KCNU1: variants seen among roughly 807,000 people sequenced by gnomAD.
KCNU1 encodes potassium calcium-activated channel subfamily U member 1, also known as potassium channel subfamily U member 1.
In KCNU1, 93 loss-of-function variants were observed where a neutral mutation model predicts 126.8. The observed-to-expected ratio is 0.73, with a 90% confidence interval of 0.62 to 0.87. The LOEUF (loss-of-function observed/expected upper bound fraction) is 0.87, where lower values mean the gene tolerates loss of function less well. Among genes scored for constraint, KCNU1 ranks in the 40% least tolerant of loss-of-function variants. The pLI is 0.00. For synonymous variants in KCNU1, 523 were observed against 494.2 expected (o/e 1.06, Z -0.77); for missense variants, 1,330 against 1,367.1 (o/e 0.97, Z 0.43).
At chr8:36,900,828 A>G (rs1807388063) in intron 19 of KCNU1, among the ~76,000 whole-genome samples, 1 of 152,122 alleles carries the variant, frequency 6.6e-6, no homozygotes, top group African/African-American at 2.4e-5. Context: ...GATTGAACCA[A>G]GAAAGCCACT....
In KCNU1 at chr8:36,893,341, C is replaced by T. The variant is rs145375337; in HGVS notation, c.2010-12367C>T. 5.6e-4 allele frequency among the ~76,000 whole-genome samples: 81 copies of T among 145,710 alleles called. No homozygotes were observed. The East Asian group carries it at 0.012, about 21-fold the overall frequency. ...TTTTTATGGGTCTTTTTTTTTTTTG[C>T]GACATTGTTAACTATAACTCAGATA... is the stretch of plus-strand genomic sequence containing the variant. On this transcript the variant is annotated intron_variant, in intron 19 of 26. Transcript: ENST00000399881.
In KCNU1 at chr8:36,815,659, A is replaced by G; in HGVS notation, c.967A>G (p.Ser323Gly). The G allele has an allele frequency of 1.3e-6, 2 of 1,591,972 alleles. No homozygotes were observed. The highest frequency in any genetic ancestry group is 1.7e-6 in the Non-Finnish European group (2 of 1,167,728). The part of the protein sequence containing the change: ...ELFANKRKYT[S>G]SYEALKGKKF... ...GTTTGCTAACAAGAGGAAATACACC[A>G]GTTCCTATGAAGCACTCAAAGGAAA... Residue 323 changes from serine to glycine, a missense_variant, in exon 9 of 27, where the codon AGT (serine) becomes GGT (glycine). By Grantham distance (56) the Ser-to-Gly change is moderately conservative (BLOSUM62 0). This residue lies in a region of KCNU1 where 1,054 missense variants were observed against 1,053.9 expected (regional missense o/e 1.00). Coordinates refer to ENST00000399881, the MANE Select transcript of KCNU1 (RefSeq NM_001031836.3).
At chr8:36,873,996 G>A (rs192737249) in intron 19 of KCNU1, among the ~76,000 whole-genome samples, 2 of 152,290 alleles carry the variant, frequency 1.3e-5, no homozygotes, top group African/African-American at 2.4e-5. Context: ...TTATGCCAGA[G>A]GGAGGTATTT....
intron 19 of KCNU1, among the ~76,000 whole-genome samples, chr8:36,872,199 T>C (rs1806126589): frequency 6.6e-6 from 1 of 152,158 alleles, no homozygotes; most frequent in Non-Finnish European, 1.5e-5. Flanking sequence ...AAGAATAAAA[T>C]ATTAACCCTT....
At chr8:36,810,596 CA>C (rs1427700988) in intron 7 of KCNU1, among the ~76,000 whole-genome samples, 1 of 152,088 alleles carries the variant, frequency 6.6e-6, no homozygotes, top group Non-Finnish European at 1.5e-5. Flanking sequence ...AAAGACAAGC[CA>C]AAATAAAAGC....
chr8:36,785,856 A>T (rs1802694065), intron 1 of KCNU1, among the ~76,000 whole-genome samples: 1 of 152,108 alleles, frequency 6.6e-6, no homozygotes, highest in African/African-American at 2.4e-5. Flanking sequence ...TCAATTTCCT[A>T]TATTTTTCAT....
intron 2 of KCNU1, among the ~76,000 whole-genome samples, chr8:36,797,910 G>A (rs190421099): frequency 9.9e-5 from 15 of 152,248 alleles, no homozygotes; most frequent in East Asian, 3.9e-4. Context: ...TTTGTGAGGC[G>A]GGGCCAGAAC....
At chr8:36,788,379 A>T (rs1194953677) in intron 2 of KCNU1, among the ~76,000 whole-genome samples, 1 of 152,198 alleles carries the variant, frequency 6.6e-6, no homozygotes, top group Non-Finnish European at 1.5e-5. Context: ...TTGTCAGGAA[A>T]TAGCAGATGC....
chr8:36,927,694 T>C (rs2117605137), intron 24 of KCNU1, among the ~76,000 whole-genome samples: 1 of 152,234 alleles, frequency 6.6e-6, no homozygotes, highest in African/African-American at 2.4e-5. Flanking sequence ...ATCTATACCA[T>C]TAGGTAATAC....
chr8:36,901,366 T>C (rs767980514), intron 19 of KCNU1, among the ~76,000 whole-genome samples: 2 of 152,228 alleles, frequency 1.3e-5, no homozygotes, highest in Non-Finnish European at 2.9e-5. Context: ...CTTTAACTGA[T>C]AGGATTTATA....
At position 36,890,248 on chromosome 8, in the gene KCNU1, A is replaced by AT. The variant is rs553823905; in HGVS notation, c.2010-15452dup. Among the ~76,000 whole-genome samples the AT allele has an allele frequency of 8.0e-4, 122 of 152,058 alleles. 1 individual carries two copies. In the South Asian group the frequency reaches 0.011, roughly 14 times the overall value. On this transcript the variant is annotated intron_variant, in intron 19 of 26. Transcript: ENST00000399881. ...TATTCAAGACAGAATAAATGAATTA[A>AT]TTTTTTTTATTTTTAATTGACTTAA...
chr8:36,828,636 C>T (rs1001402670), intron 10 of KCNU1, among the ~76,000 whole-genome samples: 10 of 152,122 alleles, frequency 6.6e-5, no homozygotes, highest in African/African-American at 2.4e-4. Flanking sequence ...TCCCTCAGTT[C>T]CACTCTTCTT....
intron 18 of KCNU1, among the ~76,000 whole-genome samples, chr8:36,857,739 G>A (rs747209291): frequency 4.6e-5 from 7 of 151,900 alleles, no homozygotes; most frequent in Non-Finnish European, 8.8e-5. Context: ...TCCACCTCCC[G>A]GGTTAAAGTG....
intron 2 of KCNU1, among the ~76,000 whole-genome samples, chr8:36,790,349 A>T (rs913950955): frequency 1.3e-5 from 2 of 152,142 alleles, no homozygotes; most frequent in Non-Finnish European, 2.9e-5. Flanking sequence ...CAAATGCAAA[A>T]AGTTAGAGAA....
rs745541276 is a variant in KCNU1 at position 36,836,927 on chromosome 8, T to G, written c.1500T>G (p.Phe500Leu). ...TGTGTACCTTCCTAACATCTCTATT[T>G]GTGGAGCAAAACAAAAAGGTAACCT... ...PGLCTFLTSL[F>L]VEQNKKVMPK... The change falls in exon 14 of 27, where the codon TTT (phenylalanine) becomes TTG (leucine). Residue 500 changes from phenylalanine (F) to leucine (L), a missense_variant. Phe to Leu is a conservative substitution (Grantham distance 22). Coordinates refer to ENST00000399881, the MANE Select transcript of KCNU1 (RefSeq NM_001031836.3). The G allele has an allele frequency of 1.2e-6, 2 of 1,613,790 alleles. No homozygotes were observed. The highest frequency in any genetic ancestry group is 2.2e-5 in the South Asian group (2 of 91,068).
intron 24 of KCNU1, among the ~76,000 whole-genome samples, chr8:36,930,601 C>T (rs1808668585): frequency 6.6e-6 from 1 of 152,048 alleles, no homozygotes. Flanking sequence ...AAATATACAT[C>T]GATGATGATT....
intron 18 of KCNU1, among the ~76,000 whole-genome samples, chr8:36,858,805 A>G (rs891542600): frequency 6.6e-6 from 1 of 152,156 alleles, no homozygotes; most frequent in Non-Finnish European, 1.5e-5. Flanking sequence ...CTTCTATGAC[A>G]TGTATTTTAT....
At chr8:36,881,513 T>C (rs1806477833) in intron 19 of KCNU1, among the ~76,000 whole-genome samples, 1 of 152,090 alleles carries the variant, frequency 6.6e-6, no homozygotes, top group South Asian at 2.1e-4. Context: ...ACGTGAGCCA[T>C]TTCATCTGGC....
chr8:36,860,364 A>ACTG (rs1363266956), intron 18 of KCNU1, among the ~76,000 whole-genome samples: 2 of 152,206 alleles, frequency 1.3e-5, no homozygotes, highest in African/African-American at 4.8e-5. Flanking sequence ...GGTGTGAGAC[A>ACTG]CTGCGCCTGG....
Sources: gnomAD v4.1 joint callset for allele counts (sites outside exome capture counted in the v4.1 genomes callset) on GRCh38, gnomAD v4.1.1 for gene constraint, gnomAD v4.1.1 regional missense constraint, MANE v1.5 for transcripts, NCBI Gene and HGNC (gene_info 2026-07-23, HGNC 2026-07-21) for gene names.